Variants in CNTN5 observed in about 807,000 individuals in gnomAD.
The protein encoded by CNTN5 is contactin-5.
Under a neutral mutation model 129.1 loss-of-function variants are expected in CNTN5, and 77 were observed. The observed-to-expected ratio is 0.60, with a 90% CI of 0.50 to 0.72. CNTN5 has a LOEUF of 0.72. Ranked by LOEUF, CNTN5 falls within the 30% of genes least tolerant of loss-of-function variation. The probability of loss-of-function intolerance (pLI) is 0.00; values close to 1 mark genes in which losing one functional copy is unlikely to be tolerated. For synonymous variants in CNTN5, 509 were observed against 465.6 expected, an observed-to-expected ratio of 1.09 and a Z score of -1.20; for missense variants, 1,478 against 1,328.8, an observed-to-expected ratio of 1.11 and a Z score of -1.75.
intron 8 of CNTN5, among the ~76,000 whole-genome samples, chr11:99,995,940 G>T (rs374571331): frequency 1.1e-4 from 16 of 152,230 alleles, no homozygotes; most frequent in East Asian, 9.7e-4. Context: ...CCCCTGTCTA[G>T]AACTCATCCT....
intron 24 of CNTN5, among the ~76,000 whole-genome samples, chr11:100,354,871 TA>T (rs1244537289): frequency 6.6e-5 from 10 of 151,510 alleles, no homozygotes; most frequent in East Asian, 1.9e-4. Context: ...GTATAAAAGA[TA>T]AAAAAATGGT....
At chr11:99,976,331 G>A (rs1397802406) in intron 8 of CNTN5, among the ~76,000 whole-genome samples, 1 of 152,182 alleles carries the variant, frequency 6.6e-6, no homozygotes, top group African/African-American at 2.4e-5. Flanking sequence ...AGCATTCTGG[G>A]GTCTGGAGGA....
At chr11:99,934,929 TATATATATATATATATATACAC>T (rs1950278949) in intron 7 of CNTN5, among the ~76,000 whole-genome samples, 1 of 58,030 alleles carries the variant, frequency 1.7e-5, no homozygotes, top group African/African-American at 6.1e-5. Context: ...TATATATATA[TATATATATATATATATATACAC>T]ACACATATAT....
intron 1 of CNTN5, among the ~76,000 whole-genome samples, chr11:99,262,236 C>T (rs1862666598): frequency 6.6e-6 from 1 of 151,960 alleles, no homozygotes; most frequent in Non-Finnish European, 1.5e-5. Context: ...AGCCTATTTT[C>T]CCTTTTTAAA....
intron 2 of CNTN5, among the ~76,000 whole-genome samples, chr11:99,465,273 G>A (rs991406489): frequency 6.6e-5 from 10 of 152,142 alleles, no homozygotes; most frequent in Admixed American, 3.3e-4. Flanking sequence ...GCTTCCTTTC[G>A]TTGCTCCAAC....
chr11:99,228,834 T>C (rs1183546408), intron 1 of CNTN5, among the ~76,000 whole-genome samples: 1 of 152,060 alleles, frequency 6.6e-6, no homozygotes, highest in Admixed American at 6.6e-5. Flanking sequence ...CTCACATTTA[T>C]GGCAAAAATA....
At chr11:99,022,849 T>C (rs2135054956) in intron 1 of CNTN5, among the ~76,000 whole-genome samples, 2 of 152,294 alleles carry the variant, frequency 1.3e-5, no homozygotes, top group South Asian at 4.1e-4. Flanking sequence ...TAGGAATTGG[T>C]GTATCCTTTA....
rs182051664 is a variant in CNTN5 at position 99,657,455 on chromosome 11, T to A, written c.55+101186T>A. 2.2e-3 allele frequency among the ~76,000 whole-genome samples: 341 copies of A among 152,272 alleles called. 1 individual carries two copies. The highest frequency in any genetic ancestry group is 7.5e-3 in the African/African-American group (311 of 41,566). ...TCTTGAAACAGTCTCCATGGTATCCTTGATTGCTGTACACGGTGACACAAA... is the reference window on the plus strand; with the variant it reads ...TCTTGAAACAGTCTCCATGGTATCCATGATTGCTGTACACGGTGACACAAA... On this transcript the variant is annotated intron_variant, in intron 3 of 24. Coordinates refer to ENST00000524871, the MANE Select transcript of CNTN5 (RefSeq NM_014361.4).
At chr11:99,615,735 T>C (rs1950739593) in intron 3 of CNTN5, among the ~76,000 whole-genome samples, 1 of 151,828 alleles carries the variant, frequency 6.6e-6, no homozygotes, top group Non-Finnish European at 1.5e-5. Context: ...TCCACACACT[T>C]TATTTGGATT....
At chr11:100,132,662 T>G (rs1049196410) in intron 13 of CNTN5, among the ~76,000 whole-genome samples, 1 of 152,158 alleles carries the variant, frequency 6.6e-6, no homozygotes, top group African/African-American at 2.4e-5. Context: ...GAATATCATG[T>G]GACATTATAG....
intron 13 of CNTN5, among the ~76,000 whole-genome samples, chr11:100,170,234 T>C (rs556635514): frequency 6.6e-6 from 1 of 152,130 alleles, no homozygotes; most frequent in African/African-American, 2.4e-5. Flanking sequence ...TCAGACAGAT[T>C]AAATGGCATG....
chr11:100,308,624 T>C, intron 21 of CNTN5, 156 bp downstream of exon 21: 1 of 1,354,188 alleles, frequency 7.4e-7, no homozygotes, highest in East Asian at 2.8e-5. Flanking sequence ...TACTGGGATG[T>C]GTTATGTTGC....
intron 2 of CNTN5, among the ~76,000 whole-genome samples, chr11:99,518,717 T>C (rs1296017588): frequency 1.3e-5 from 2 of 152,092 alleles, no homozygotes; most frequent in African/African-American, 4.8e-5. Context: ...TTCTTTGTAG[T>C]CCAGAGAATT....
intron 2 of CNTN5, among the ~76,000 whole-genome samples, chr11:99,411,539 C>A: frequency 6.7e-6 from 1 of 149,232 alleles, no homozygotes; most frequent in African/African-American, 2.4e-5. Context: ...TAAATAAATA[C>A]AAAAAATTTT....
At chr11:100,104,348 G>A (rs1392764317) in intron 13 of CNTN5, among the ~76,000 whole-genome samples, 1 of 151,882 alleles carries the variant, frequency 6.6e-6, no homozygotes, top group East Asian at 1.9e-4. Context: ...ACCTGCCTTG[G>A]CCTCCCAAAG....
intron 1 of CNTN5, among the ~76,000 whole-genome samples, chr11:99,289,278 A>G (rs968402404): frequency 1.1e-4 from 17 of 151,730 alleles, no homozygotes; most frequent in African/African-American, 3.1e-4. Context: ...TTTATTTTTT[A>G]TTGAAGCCAT....
intron 2 of CNTN5, among the ~76,000 whole-genome samples, chr11:99,360,697 T>C (rs1463780221): frequency 6.6e-6 from 1 of 152,118 alleles, no homozygotes; most frequent in African/African-American, 2.4e-5. Flanking sequence ...GCTATTGTGG[T>C]CCCTCTTCTA....
chr11:99,254,075 C>A (rs1165899258), intron 1 of CNTN5, among the ~76,000 whole-genome samples: 3 of 151,496 alleles, frequency 2.0e-5, no homozygotes, highest in African/African-American at 2.4e-5. Flanking sequence ...TGCAGTAACA[C>A]ACAGTGGCAT....
chr11:99,800,423 G>A (rs1241957061), intron 3 of CNTN5, among the ~76,000 whole-genome samples: 2 of 151,620 alleles, frequency 1.3e-5, no homozygotes, highest in Admixed American at 6.6e-5. Context: ...TATACTCTGC[G>A]ATTCATATGT....
Sources: gnomAD v4.1 joint callset for allele counts (sites outside exome capture counted in the v4.1 genomes callset) on GRCh38, gnomAD v4.1.1 for gene constraint, MANE v1.5 for transcripts, NCBI Gene and HGNC (gene_info 2026-07-23, HGNC 2026-07-21) for gene names.